The following VPS13A variants were observed in gnomAD, a reference collection of about 807,000 sequenced individuals.
VPS13A encodes the protein vacuolar protein sorting 13 homolog A.
In VPS13A, 264 loss-of-function variants were observed where a neutral mutation model predicts 390.9. The ratio of observed to expected loss-of-function variants is 0.68; its 90% CI spans 0.61 to 0.75. The LOEUF (loss-of-function observed/expected upper bound fraction) is 0.75. Ranked by LOEUF, VPS13A falls within the 30% of genes least tolerant of loss-of-function variation. VPS13A has a pLI of 0.00. For missense variants in VPS13A, 3,409 were observed against 3,733.9 expected, an observed-to-expected ratio of 0.91 and a Z score of 2.27; for synonymous variants, 1,231 against 1,227.1, an observed-to-expected ratio of 1.00 and a Z score of -0.07.
At chr9:77,347,389 CT>C (rs1317939554) in intron 52 of VPS13A, among the ~76,000 whole-genome samples, 37 of 152,142 alleles carry the variant, frequency 2.4e-4, no homozygotes, top group African/African-American at 8.4e-4. Context: ...GTAATCTCCC[CT>C]GCCATTATCC....
chr9:77,358,593 C>T (rs1301077482), intron 57 of VPS13A, among the ~76,000 whole-genome samples, 155 bp downstream of exon 57: 1 of 152,092 alleles, frequency 6.6e-6, no homozygotes, highest in Non-Finnish European at 1.5e-5. Context: ...AAGTACTATA[C>T]ACAACTAACT....
rs1342340058 is a variant in VPS13A at position 77,247,454 on chromosome 9, AT to A, written c.2037+60del. The A allele has an allele frequency of 4.6e-6, 7 of 1,509,712 alleles. No homozygotes were observed. The African/African-American group carries it at 9.8e-5, about 21-fold the overall frequency. 93.5% of individuals were successfully genotyped at this position (1,509,712 alleles called of 1,614,324 possible). A position where few individuals can be genotyped will look rare whatever the true frequency, so the allele number is the denominator to read the frequency against. On this transcript the variant is annotated intron_variant, in intron 20 of 71. Coordinates refer to ENST00000360280, the MANE Select transcript of VPS13A (RefSeq NM_033305.3). ...CATTTGGGGTGTTTCTTTGTTTTAAATGTATTTTGTTTTTTAAACAGTTTGA... is the reference window on the plus strand; with the variant it reads ...CATTTGGGGTGTTTCTTTGTTTTAAAGTATTTTGTTTTTTAAACAGTTTGA...
At chr9:77,228,085 T>TA in intron 16 of VPS13A, 37 bp from the exon 17 acceptor site, 1 of 1,419,576 alleles carries the variant, frequency 7.0e-7, no homozygotes, top group Non-Finnish European at 9.7e-7. Flanking sequence ...TATATATATA[T>TA]ATATGTTTTC....
At position 77,228,179 on chromosome 9, in the gene VPS13A, A is replaced by G; in HGVS notation, c.1510A>G (p.Asn504Asp). The change falls in exon 17 of 72, where the codon AAT becomes GAT. Residue 504 changes from asparagine to aspartate, a missense_variant. By Grantham distance (23) the Asn-to-Asp change is conservative. Transcript: ENST00000360280. The stretch of plus-strand genomic sequence containing the variant: ...AAGTATGTCTATTGTTCTAAGAGAA[A>G]ATCATCAAAAACCTGAGCTGGTAGA... ...LKSMSIVLRE[N>D]HQKPELVDIV... 2.5e-6 allele frequency: 4 copies of G among 1,603,638 alleles called. No individual in the cohort carries two copies. Among genetic ancestry groups the G allele is most frequent in the Non-Finnish European group, 3.4e-6 (4 of 1,174,630 alleles).
At chr9:77,241,592 C>T (rs560909452) in intron 19 of VPS13A, among the ~76,000 whole-genome samples, 32 of 151,912 alleles carry the variant, frequency 2.1e-4, no homozygotes, top group African/African-American at 7.2e-4. Context: ...CTTATGGTAA[C>T]GTGTGTCTTT....
chr9:77,194,651 A>T (rs1459474675), intron 1 of VPS13A, among the ~76,000 whole-genome samples: 1 of 152,162 alleles, frequency 6.6e-6, no homozygotes. Flanking sequence ...GGTCCATGAC[A>T]AGAACAGGCT....
chr9:77,337,246 C>A lies in VPS13A; in HGVS notation c.6096-9C>A, dbSNP rs762922309. The A allele has an allele frequency of 1.2e-6, 2 of 1,608,792 alleles. No individual in the cohort carries two copies. Among genetic ancestry groups the A allele is most frequent in the South Asian group, 2.2e-5 (2 of 90,692 alleles). ...AACATTTTAAACTGTATCATTTAAT[C>A]TCATGCAGATCATTCATTTTTCTGA... On this transcript the variant is annotated splice_polypyrimidine_tract_variant and intron_variant, in intron 46 of 71. Transcript: ENST00000360280.
intron 10 of VPS13A, among the ~76,000 whole-genome samples, chr9:77,215,487 C>T (rs532355828): frequency 2.6e-5 from 4 of 152,242 alleles, no homozygotes; most frequent in East Asian, 1.9e-4. Context: ...ATCGTAAATT[C>T]GACTTATTTC....
At chr9:77,192,023 G>C (rs1824716766) in intron 1 of VPS13A, among the ~76,000 whole-genome samples, 2 of 152,064 alleles carry the variant, frequency 1.3e-5, no homozygotes, top group Admixed American at 1.3e-4. Context: ...GAATCTAGGT[G>C]CTCCAGTGTT....
At chr9:77,255,136 G>A (rs1448060764) in intron 22 of VPS13A, among the ~76,000 whole-genome samples, 1 of 152,038 alleles carries the variant, frequency 6.6e-6, no homozygotes, top group Non-Finnish European at 1.5e-5. Flanking sequence ...GGTTTTTATG[G>A]ATGACCTTTA....
At position 77,238,332 on chromosome 9, in the gene VPS13A, C is replaced by T. The variant is rs142372769; in HGVS notation, c.1846C>T (p.Leu616Phe). ...TCCAAAAGAGGTACATCTAGCACAGCTCACTGCAGCAACTTTGACAAAACT... is the reference window on the plus strand; with the variant it reads ...TCCAAAAGAGGTACATCTAGCACAGTTCACTGCAGCAACTTTGACAAAACT... Reference protein sequence around the residue: ...RPPKEVHLAQLTAATLTKLEE... With the variant: ...RPPKEVHLAQFTAATLTKLEE... The change falls in exon 19 of 72, where the codon CTC becomes TTC. Residue 616 changes from leucine to phenylalanine, a missense_variant. By Grantham distance (22) the Leu-to-Phe change is conservative (BLOSUM62 0). Coordinates refer to ENST00000360280, the MANE Select transcript of VPS13A (RefSeq NM_033305.3). 2.5e-6 allele frequency: 4 copies of T among 1,613,994 alleles called. No individual in the cohort carries two copies. Among genetic ancestry groups the T allele is most frequent in the East Asian group, 2.2e-5 (1 of 44,834 alleles).
At position 77,214,179 on chromosome 9, in the gene VPS13A, G is replaced by A. The variant is rs1822705841; in HGVS notation, c.697-150G>A. Reference sequence around the variant, plus strand: ...TAATCCCAGCCACTCGGGAGGCTGAGGCAGGAGAATCGCATGAGTCCATGA... The same window carrying A: ...TAATCCCAGCCACTCGGGAGGCTGAAGCAGGAGAATCGCATGAGTCCATGA... On this transcript the variant is annotated intron_variant, in intron 9 of 71. Transcript: ENST00000360280. 7.6e-6 allele frequency: 5 copies of A among 660,242 alleles called. No individual in the cohort carries two copies. In the Admixed American group the frequency reaches 9.4e-5, roughly 12 times the overall value. The allele number at this position is 660,242 out of a possible 1,614,324, so 40.9% of individuals were successfully genotyped here.
At chr9:77,376,496 T>C (rs1175482775) in intron 67 of VPS13A, among the ~76,000 whole-genome samples, 1 of 152,212 alleles carries the variant, frequency 6.6e-6, no homozygotes, top group Non-Finnish European at 1.5e-5. Flanking sequence ...GTCCTGCATG[T>C]ATTTTAAAGA....
At chr9:77,285,814 C>T (rs1827291430) in intron 31 of VPS13A, among the ~76,000 whole-genome samples, 1 of 152,318 alleles carries the variant, frequency 6.6e-6, no homozygotes, top group African/African-American at 2.4e-5. Flanking sequence ...GATCCACACA[C>T]TGCATTTGAT....
chr9:77,267,780 C>T (rs781216234), intron 23 of VPS13A, among the ~76,000 whole-genome samples: 2 of 152,332 alleles, frequency 1.3e-5, no homozygotes, highest in East Asian at 3.9e-4. Context: ...CGCCCCTTCC[C>T]CCAGGTGCTC....
intron 10 of VPS13A, among the ~76,000 whole-genome samples, chr9:77,217,421 A>G (rs963934266): frequency 6.6e-6 from 1 of 152,120 alleles, no homozygotes; most frequent in Non-Finnish European, 1.5e-5. Flanking sequence ...AATAATGTAC[A>G]TTGTCCCCAT....
intron 11 of VPS13A, 59 bp downstream of exon 11, chr9:77,220,140 A>G: frequency 6.4e-7 from 1 of 1,551,044 alleles, no homozygotes; most frequent in Non-Finnish European, 8.8e-7. Flanking sequence ...AGCAAAACTA[A>G]GATTTTAAAT....
chr9:77,216,309 T>TG (rs1297106331), intron 10 of VPS13A, among the ~76,000 whole-genome samples: 2 of 152,168 alleles, frequency 1.3e-5, no homozygotes, highest in East Asian at 3.9e-4. Flanking sequence ...GCATACCTGT[T>TG]GGAGAGCGAA....
chr9:77,318,316 G>T lies in VPS13A; in HGVS notation c.5038G>T (p.Ala1680Ser). The change falls in exon 41 of 72, where the codon GCT (alanine) becomes TCT (serine). Residue 1680 changes from alanine to serine, a missense_variant. By Grantham distance (99) the Ala-to-Ser change is moderately conservative. Coordinates refer to ENST00000360280, the MANE Select transcript of VPS13A (RefSeq NM_033305.3). Reference protein sequence around the residue: ...TTKETIPEETASSTAHLWEKK... With the variant: ...TTKETIPEETSSSTAHLWEKK... ...TAAGGAAACCATCCCAGAAGAAACG[G>T]CTTCTTCTACTGCACATTTATGGGA... 6.2e-7 allele frequency: 1 copy of T among 1,611,674 alleles called. No individual in the cohort carries two copies. The highest frequency in any genetic ancestry group is 1.1e-5 in the South Asian group (1 of 90,456).
Sources: gnomAD v4.1 joint callset for allele counts (sites outside exome capture counted in the v4.1 genomes callset) on GRCh38, gnomAD v4.1.1 for gene constraint, MANE v1.5 for transcripts, NCBI Gene and HGNC (gene_info 2026-07-23, HGNC 2026-07-21) for gene names.